Variants in SPARCL1 observed in about 807,000 individuals in gnomAD.
SPARCL1 encodes SPARC like 1.
A neutral mutation model predicts 67.1 loss-of-function variants in SPARCL1; 52 were observed. The ratio of observed to expected loss-of-function variants is 0.78; its 90% confidence interval spans 0.62 to 0.98. SPARCL1 has a LOEUF of 0.98. Ranked by LOEUF, SPARCL1 falls within the 50% of genes least tolerant of loss-of-function variation. The pLI, the probability that SPARCL1 is intolerant of heterozygous loss-of-function variation, is 0.00. For synonymous variants in SPARCL1, 226 were observed against 267.8 expected (o/e 0.84, Z 1.52); for missense variants, 717 against 782.4 (o/e 0.92, Z 1.00).
intron 4 of SPARCL1, among the ~76,000 whole-genome samples, chr4:87,493,166 A>G (rs958196817): frequency 6.6e-6 from 1 of 152,222 alleles, no homozygotes; most frequent in African/African-American, 2.4e-5. Flanking sequence ...CTCAAGGGAC[A>G]GGCTGGAAAT....
chr4:87,474,893 C>T (rs1287842585), intron 10 of SPARCL1, among the ~76,000 whole-genome samples: 1 of 152,074 alleles, frequency 6.6e-6, no homozygotes, highest in East Asian at 1.9e-4. Context: ...CAGGCGCCCG[C>T]CACCACGCCC....
In SPARCL1 at chr4:87,494,618, C is replaced by T; in HGVS notation, c.202-20G>A. 1 of 1,542,122 alleles carries T rather than the reference C, an allele frequency of 6.5e-7. No homozygotes were observed. The highest frequency in any genetic ancestry group is 8.7e-7 in the Non-Finnish European group (1 of 1,149,282). ...TTCAGCCTTAAAAGAAAAAAAAGTT[C>T]ATTCTTCAAACAAATGATAATGTAA... On this transcript the variant is annotated intron_variant, in intron 3 of 10. Coordinates refer to ENST00000282470, the MANE Select transcript of SPARCL1 (RefSeq NM_004684.6).
intron 10 of SPARCL1, among the ~76,000 whole-genome samples, chr4:87,475,354 C>G (rs1723543915): frequency 6.6e-6 from 1 of 152,188 alleles, no homozygotes; most frequent in African/African-American, 2.4e-5. Flanking sequence ...GAAACACCTC[C>G]TTTGCATGGC....
At chr4:87,487,573 G>A (rs111605985) in intron 7 of SPARCL1, among the ~76,000 whole-genome samples, 33,637 of 152,028 alleles carry the variant, frequency 0.22, 4,241 homozygotes, top group South Asian at 0.44. Flanking sequence ...TATGTGTCTT[G>A]GAGTTGCTCT....
At chr4:87,520,293 T>C (rs955379816) in intron 1 of SPARCL1, among the ~76,000 whole-genome samples, 1 of 145,690 alleles carries the variant, frequency 6.9e-6, no homozygotes, top group African/African-American at 2.5e-5. Flanking sequence ...TATGGGAGGA[T>C]ATTGGCCTAA....
Position 87,493,785 on chromosome 4 carries a change from C to T in SPARCL1, c.1015G>A (p.Asp339Asn). The change falls in exon 4 of 11, where the codon GAT becomes AAT. Residue 339 changes from aspartate to asparagine, a missense_variant. Coordinates refer to ENST00000282470, the MANE Select transcript of SPARCL1 (RefSeq NM_004684.6). ...NTTPRNHGVD[D>N]DGDDDGDDGG... Reference sequence around the variant, plus strand: ...TCATCGCCATCATCATCGCCATCATCATCAACTCCATGATTTCTGGGCGTG... The same window carrying T: ...TCATCGCCATCATCATCGCCATCATTATCAACTCCATGATTTCTGGGCGTG... 1 of 1,614,114 alleles carries T rather than the reference C, an allele frequency of 6.2e-7. No homozygotes were observed. The highest frequency in any genetic ancestry group is 8.5e-7 in the Non-Finnish European group (1 of 1,180,010).
Position 87,495,098 on chromosome 4 carries a change from G to C in SPARCL1, c.84C>G (p.Ser28=), listed in dbSNP as rs1724564875. 6.2e-7 allele frequency: 1 copy of C among 1,610,334 alleles called. No homozygotes were observed. The highest frequency in any genetic ancestry group is 1.7e-5 in the Admixed American group (1 of 59,016). Residue 28 remains serine, a synonymous_variant, in exon 3 of 11, where the codon TCC becomes TCG. Transcript: ENST00000282470. ...GTGCTACCGTTTCAGCAGTTGGTTT[G>C]GAATGATCAGATAATAATCTTGCAT... ...PTNARLLSDH[S]KPTAETVAPD...
At chr4:87,508,731 A>G (rs1725215021) in intron 1 of SPARCL1, among the ~76,000 whole-genome samples, 1 of 151,670 alleles carries the variant, frequency 6.6e-6, no homozygotes, top group Non-Finnish European at 1.5e-5. Flanking sequence ...ACATTATAAC[A>G]TTATAAAAAG....
intron 1 of SPARCL1, among the ~76,000 whole-genome samples, chr4:87,518,285 C>T (rs2110261500): frequency 6.6e-6 from 1 of 152,284 alleles, no homozygotes; most frequent in Middle Eastern, 3.4e-3. Flanking sequence ...TTCTTCTCCT[C>T]CCACCATGGG....
chr4:87,519,660 T>C (rs1422259471), intron 1 of SPARCL1, among the ~76,000 whole-genome samples: 1 of 152,142 alleles, frequency 6.6e-6, no homozygotes, highest in Non-Finnish European at 1.5e-5. Context: ...CAAATACATA[T>C]TTTACACACA....
At chr4:87,505,943 T>G (rs1478451309) in intron 1 of SPARCL1, among the ~76,000 whole-genome samples, 1 of 152,136 alleles carries the variant, frequency 6.6e-6, no homozygotes, top group Admixed American at 6.5e-5. Flanking sequence ...AGTGAAGGGT[T>G]TCTTTATCTT....
intron 7 of SPARCL1, among the ~76,000 whole-genome samples, chr4:87,482,990 A>G (rs543202736): frequency 1.3e-5 from 2 of 152,272 alleles, no homozygotes; most frequent in South Asian, 2.1e-4. Flanking sequence ...TTAAAGAAAC[A>G]GAAGTCAATT....
chr4:87,524,605 A>G (rs903688052), intron 1 of SPARCL1, among the ~76,000 whole-genome samples: 2 of 152,104 alleles, frequency 1.3e-5, no homozygotes, highest in Non-Finnish European at 2.9e-5. Flanking sequence ...TTTCTTACAC[A>G]TTGTTACATT....
chr4:87,490,873 A>G lies in SPARCL1; in HGVS notation c.1297T>C (p.Cys433Arg). ...GNMRVHAVDS[C>R]MSFQCKRGHI... ...CCTCTTTTACACTGGAAGCTCATGC[A>G]AGAATCTAACAGAAAAGATTGGGCA... Residue 433 changes from cysteine (C) to arginine (R), a missense_variant, in exon 6 of 11, where the codon TGC (cysteine) becomes CGC (arginine). Physicochemically the swap from Cys to Arg is radical, Grantham distance 180. Coordinates refer to ENST00000282470, the MANE Select transcript of SPARCL1 (RefSeq NM_004684.6). 1.3e-6 allele frequency: 2 copies of G among 1,575,894 alleles called. No homozygotes were observed. The highest frequency in any genetic ancestry group is 1.7e-6 in the Non-Finnish European group (2 of 1,155,178).
chr4:87,491,989 A>G (rs1474817461), intron 4 of SPARCL1, among the ~76,000 whole-genome samples: 1 of 137,554 alleles, frequency 7.3e-6, no homozygotes, highest in African/African-American at 2.6e-5. Context: ...ATGATGGTGC[A>G]TGCCTGTGGT....
At chr4:87,527,950 G>A (rs1726118291) in intron 1 of SPARCL1, among the ~76,000 whole-genome samples, 2 of 151,922 alleles carry the variant, frequency 1.3e-5, no homozygotes, top group Non-Finnish European at 2.9e-5. Flanking sequence ...TGGTGTCTAC[G>A]AGAAAGGGGA....
chr4:87,502,894 G>A (rs1046414659), intron 1 of SPARCL1, among the ~76,000 whole-genome samples: 20 of 152,344 alleles, frequency 1.3e-4, no homozygotes, highest in African/African-American at 4.6e-4. Flanking sequence ...CACCCCAAAT[G>A]TCATTGACAG....
intron 10 of SPARCL1, among the ~76,000 whole-genome samples, chr4:87,478,439 ATTTTTTT>A (rs71897053): frequency 7.2e-6 from 1 of 138,800 alleles, no homozygotes; most frequent in Non-Finnish European, 1.6e-5. Context: ...AACATCTTTC[ATTTTTTT>A]TTTTTTTTTG....
chr4:87,496,610 T>C (rs1162521622), intron 2 of SPARCL1, among the ~76,000 whole-genome samples: 3 of 152,162 alleles, frequency 2.0e-5, no homozygotes, highest in African/African-American at 7.2e-5. Context: ...ATAAAAAATA[T>C]GTTATAAATT....
Sources: allele counts gnomAD v4.1 joint callset (sites outside exome capture counted in the v4.1 genomes callset), GRCh38; gene constraint gnomAD v4.1.1; transcripts MANE v1.5; gene names NCBI Gene and HGNC (gene_info 2026-07-23, HGNC 2026-07-21).